Variants in GABRG3 observed in about 807,000 individuals in gnomAD.
GABRG3 encodes gamma-aminobutyric acid receptor subunit gamma-3.
GABRG3 carries 25 observed loss-of-function variants against 48.8 expected under a neutral mutation model. The ratio of observed to expected loss-of-function variants is 0.51; its 90% CI spans 0.37 to 0.72. GABRG3 has a LOEUF of 0.72. Among genes scored for constraint, GABRG3 ranks in the 30% least tolerant of loss-of-function variants. The probability of loss-of-function intolerance (pLI) is 0.00; values close to 1 mark genes in which losing one functional copy is unlikely to be tolerated. For synonymous variants in GABRG3, 227 were observed against 217.6 expected, an observed-to-expected ratio of 1.04 and a Z score of -0.38; for missense variants, 394 against 577.9, an observed-to-expected ratio of 0.68 and a Z score of 3.26.
rs1458227329 is a variant in GABRG3, at chr15:27,319,168, A to G, written c.271-7641A>G. Among the ~76,000 whole-genome samples, 1 of 152,226 alleles carries G rather than the reference A, an allele frequency of 6.6e-6. No individual in the cohort carries two copies. Among genetic ancestry groups the G allele is most frequent in the Non-Finnish European group, 1.5e-5 (1 of 68,034 alleles). On this transcript the variant is annotated intron_variant, in intron 3 of 9. Transcript: ENST00000615808. The surrounding 1 kb of genome is among the most constrained non-coding windows in gnomAD (Gnocchi z 4.4). The stretch of plus-strand genomic sequence containing the variant: ...CGTATGTCAAATCATCACATCATGC[A>G]TCTTGAACATAGAGAATTTTTATTT...
At chr15:27,067,502 G>GGTC in intron 3 of GABRG3, among the ~76,000 whole-genome samples, 1 of 152,288 alleles carries the variant, frequency 6.6e-6, no homozygotes, top group East Asian at 1.9e-4. Flanking sequence ...CCGACAACCG[G>GGTC]GTCACACCCA....
intron 6 of GABRG3, among the ~76,000 whole-genome samples, chr15:27,502,008 A>G (rs1595796415): frequency 6.6e-6 from 1 of 152,310 alleles, no homozygotes; most frequent in African/African-American, 2.4e-5. Context: ...CCAAGTAACA[A>G]GGTGAGTCCT....
intron 3 of GABRG3, among the ~76,000 whole-genome samples, chr15:27,099,159 A>G (rs1443438661): frequency 1.3e-5 from 2 of 152,216 alleles, no homozygotes; most frequent in Non-Finnish European, 1.5e-5. Context: ...TACTTAGACA[A>G]TTACATCTAA....
chr15:27,038,716 C>G (rs1896222058), intron 3 of GABRG3, among the ~76,000 whole-genome samples: 1 of 152,212 alleles, frequency 6.6e-6, no homozygotes, highest in African/African-American at 2.4e-5. Context: ...TGCAGTGTGG[C>G]CTCTCAGGGG....
chr15:27,214,841 G>A (rs1218989882), intron 3 of GABRG3, among the ~76,000 whole-genome samples: 1 of 152,152 alleles, frequency 6.6e-6, no homozygotes, highest in Non-Finnish European at 1.5e-5. Flanking sequence ...CTTCTTTGGA[G>A]AGCTTCAGGG....
At chr15:27,281,991 T>A (rs1891449812) in intron 3 of GABRG3, among the ~76,000 whole-genome samples, 8 of 152,202 alleles carry the variant, frequency 5.3e-5, no homozygotes, top group Admixed American at 5.2e-4. Flanking sequence ...CATTATTTGC[T>A]GTGCACAGAA....
chr15:27,189,782 C>G lies in GABRG3; in HGVS notation c.271-137027C>G, dbSNP rs572072832. On this transcript the variant is annotated intron_variant, in intron 3 of 9. Coordinates refer to ENST00000615808, the MANE Select transcript of GABRG3 (RefSeq NM_033223.5). ...ACTATGTTGAATAGGAGTGGTGAGA[C>G]AGGGCATCCCTGTCTTGTGCCAGTT... Among the ~76,000 whole-genome samples the G allele has an allele frequency of 3.3e-3, 506 of 152,256 alleles. 8 individuals carry two copies. The highest frequency in any genetic ancestry group is 0.018 in the Admixed American group (276 of 15,284).
chr15:27,026,963 T>C (rs1895995450), intron 3 of GABRG3, 142 bp downstream of exon 3: 1 of 482,436 alleles, frequency 2.1e-6, no homozygotes, highest in African/African-American at 2.8e-5. Flanking sequence ...TATTGGAATA[T>C]TGAAAATGGT....
chr15:26,996,918 C>T (rs149963743), intron 2 of GABRG3, among the ~76,000 whole-genome samples: 1,618 of 152,252 alleles, frequency 0.011, 30 homozygotes, highest in African/African-American at 0.037. Flanking sequence ...TCCCAAAGTG[C>T]TGGGATTACA....
intron 5 of GABRG3, among the ~76,000 whole-genome samples, chr15:27,332,202 C>A (rs1893824727): frequency 6.6e-6 from 1 of 152,112 alleles, no homozygotes; most frequent in Non-Finnish European, 1.5e-5. Flanking sequence ...AGAGGCCAAT[C>A]CTAATACCAA....
At chr15:27,450,019 G>T (rs773296116) in intron 5 of GABRG3, among the ~76,000 whole-genome samples, 3 of 152,110 alleles carry the variant, frequency 2.0e-5, no homozygotes, top group Non-Finnish European at 4.4e-5. Context: ...CCTGCTATCT[G>T]TCATTTTGCA....
intron 6 of GABRG3, among the ~76,000 whole-genome samples, chr15:27,501,178 C>A (rs1397927730): frequency 6.6e-6 from 1 of 152,076 alleles, no homozygotes; most frequent in East Asian, 1.9e-4. Flanking sequence ...GTCTCGATCT[C>A]CTGACCTCGT....
At chr15:27,366,006 T>C (rs1895185858) in intron 5 of GABRG3, 1 of 152,222 alleles carries the variant, frequency 6.6e-6, no homozygotes, top group Admixed American at 6.5e-5. Flanking sequence ...TTCCCCTTTA[T>C]GGGAGTTCGT....
intron 3 of GABRG3, among the ~76,000 whole-genome samples, chr15:27,263,811 C>A (rs112845748): frequency 0.025 from 3,758 of 151,826 alleles, 165 homozygotes; most frequent in African/African-American, 0.086. Context: ...CTGTAGTCCC[C>A]GCTGCTCCGG....
chr15:27,322,958 C>T (rs540797492), intron 3 of GABRG3, among the ~76,000 whole-genome samples: 23 of 152,272 alleles, frequency 1.5e-4, no homozygotes, highest in Non-Finnish European at 3.2e-4. Context: ...ACAGAATGCA[C>T]CTGTGCCTCC....
chr15:26,990,684 A>G (rs1460063669), intron 2 of GABRG3, among the ~76,000 whole-genome samples: 1 of 151,646 alleles, frequency 6.6e-6, no homozygotes, highest in Non-Finnish European at 1.5e-5. Flanking sequence ...CTTGTGGGCT[A>G]TTACTCAGGA....
intron 5 of GABRG3, among the ~76,000 whole-genome samples, chr15:27,435,755 G>A (rs1888591430): frequency 6.6e-6 from 1 of 152,184 alleles, no homozygotes; most frequent in South Asian, 2.1e-4. Context: ...CTAGCATCCA[G>A]AATTTATAGG....
At chr15:27,062,454 A>AAAAAAAAAAAAAAAAAAAAAAAC (rs1896665531) in intron 3 of GABRG3, among the ~76,000 whole-genome samples, 1 of 142,372 alleles carries the variant, frequency 7.0e-6, no homozygotes, top group Non-Finnish European at 1.6e-5. Context: ...AAAAAAAAAA[A>AAAAAAAAAAAAAAAAAAAAAAAC]AAAATTAGCC....
chr15:27,512,774 C>T (rs1300575638), intron 6 of GABRG3, among the ~76,000 whole-genome samples: 4 of 152,148 alleles, frequency 2.6e-5, no homozygotes, highest in Non-Finnish European at 5.9e-5. Flanking sequence ...AGTAGATGGC[C>T]AGGGGCTCCA....
Sources: allele counts gnomAD v4.1 joint callset (sites outside exome capture counted in the v4.1 genomes callset), GRCh38; gene constraint gnomAD v4.1.1; non-coding constraint Gnocchi (gnomAD v3.1); transcripts MANE v1.5; gene names NCBI Gene and HGNC (gene_info 2026-07-23, HGNC 2026-07-21).